Variants in MRAP2 observed in about 807,000 individuals in gnomAD.
The protein encoded by MRAP2 is melanocortin 2 receptor accessory protein 2.
Under a neutral mutation model 17.4 loss-of-function variants are expected in MRAP2, and 20 were observed. That is an observed-to-expected ratio of 1.15 (90% CI 0.81 to 1.67). The LOEUF is 1.67. MRAP2 is among the 40% of genes most tolerant of loss of function. The pLI, the probability that MRAP2 is intolerant of heterozygous loss-of-function variation, is 0.00. For synonymous variants in MRAP2, 96 were observed against 88.4 expected, an observed-to-expected ratio of 1.09 and a Z score of -0.48; for missense variants, 238 against 240.0, an observed-to-expected ratio of 0.99 and a Z score of 0.05.
chr6:84,121,094 A>G, the MRAP2 span, among the ~76,000 whole-genome samples: 1 of 129,996 alleles, frequency 7.7e-6, no homozygotes, highest in Non-Finnish European at 1.6e-5. Context: ...TTTTTTTTTT[A>G]CAGGCAGGGT....
At chr6:84,073,785 C>T (rs1005344135) in intron 3 of MRAP2, among the ~76,000 whole-genome samples, 1 of 152,034 alleles carries the variant, frequency 6.6e-6, no homozygotes, top group Non-Finnish European at 1.5e-5. Flanking sequence ...TATTGTAAAC[C>T]AAGCTTGTCC....
chr6:84,126,338 G>C, the MRAP2 span: 2 of 1,452,060 alleles, frequency 1.4e-6, no homozygotes, highest in Non-Finnish European at 1.8e-6. Context: ...GCACTTAAAA[G>C]TAAAGACCTA....
At chr6:84,040,687 A>G (rs1260386234) in intron 1 of MRAP2, among the ~76,000 whole-genome samples, 1 of 152,170 alleles carries the variant, frequency 6.6e-6, no homozygotes, top group Non-Finnish European at 1.5e-5. Flanking sequence ...AACTGGAGCA[A>G]AGGTGACTCT....
the MRAP2 span, among the ~76,000 whole-genome samples, chr6:84,106,376 G>T: frequency 6.6e-6 from 1 of 152,136 alleles, no homozygotes; most frequent in African/African-American, 2.4e-5. Flanking sequence ...ACAAAATGCT[G>T]CCCCTTCCAT....
At chr6:84,042,292 A>T (rs1051921035) in intron 1 of MRAP2, among the ~76,000 whole-genome samples, 2 of 152,132 alleles carry the variant, frequency 1.3e-5, no homozygotes, top group Non-Finnish European at 2.9e-5. Flanking sequence ...TCTTTTCTTT[A>T]TAAATTACCC....
chr6:84,114,665 A>G, the MRAP2 span, among the ~76,000 whole-genome samples: 1 of 152,132 alleles, frequency 6.6e-6, no homozygotes, highest in East Asian at 1.9e-4. Context: ...TCTGGTTTTT[A>G]GAATTTTCAG....
At chr6:84,086,210 CA>C (rs1194130179) in intron 3 of MRAP2, among the ~76,000 whole-genome samples, 1 of 152,090 alleles carries the variant, frequency 6.6e-6, no homozygotes, top group Non-Finnish European at 1.5e-5. Flanking sequence ...TAAAAGAAGA[CA>C]AAGTTTTTTA....
chr6:84,144,391 T>C, the MRAP2 span, among the ~76,000 whole-genome samples: 4 of 152,098 alleles, frequency 2.6e-5, no homozygotes, highest in Admixed American at 2.6e-4. Context: ...TAATGTTGTA[T>C]TGTCACAAAA....
At chr6:84,118,043 G>A in the MRAP2 span, among the ~76,000 whole-genome samples, 182 of 152,270 alleles carry the variant, frequency 1.2e-3, no homozygotes, top group Middle Eastern at 6.8e-3. Flanking sequence ...TCCCCCAATC[G>A]ATTTGGGCTC....
the MRAP2 span, among the ~76,000 whole-genome samples, chr6:84,122,286 T>A: frequency 6.7e-6 from 1 of 148,490 alleles, no homozygotes; most frequent in Non-Finnish European, 1.5e-5. Context: ...CAGGCCAGTC[T>A]TCCTGATGAA....
chr6:84,035,677 G>A (rs1391118820), intron 1 of MRAP2, among the ~76,000 whole-genome samples: 4 of 152,128 alleles, frequency 2.6e-5, no homozygotes, highest in African/African-American at 4.8e-5. Context: ...CATACCCATC[G>A]CTAGCTGCCC....
At chr6:84,104,259 C>G in the MRAP2 span, among the ~76,000 whole-genome samples, 6 of 152,328 alleles carry the variant, frequency 3.9e-5, no homozygotes, top group Non-Finnish European at 5.9e-5. Flanking sequence ...GCACACAGCA[C>G]AAGAACTCTG....
the MRAP2 span, among the ~76,000 whole-genome samples, chr6:84,139,631 T>G: frequency 6.6e-6 from 1 of 152,146 alleles, no homozygotes; most frequent in African/African-American, 2.4e-5. Context: ...AGGTAAGAAT[T>G]CTTACCAAAC....
chr6:84,081,847 T>C (rs879608600), intron 3 of MRAP2, among the ~76,000 whole-genome samples: 4 of 152,128 alleles, frequency 2.6e-5, no homozygotes, highest in Non-Finnish European at 5.9e-5. Context: ...AATGAATAAA[T>C]AAATAAAAGT....
the MRAP2 span, among the ~76,000 whole-genome samples, chr6:84,120,531 A>G: frequency 1.3e-5 from 2 of 152,218 alleles, no homozygotes; most frequent in Non-Finnish European, 2.9e-5. Context: ...CTGGGTTTTT[A>G]GTTGTAACAA....
At chr6:84,105,764 G>A in the MRAP2 span, among the ~76,000 whole-genome samples, 3 of 152,088 alleles carry the variant, frequency 2.0e-5, no homozygotes, top group African/African-American at 7.2e-5. Flanking sequence ...TCAGAGGCAT[G>A]AGGAGCCCAA....
intron 3 of MRAP2, among the ~76,000 whole-genome samples, chr6:84,067,316 A>G (rs893683959): frequency 2.3e-4 from 35 of 152,244 alleles, no homozygotes; most frequent in African/African-American, 7.9e-4. Flanking sequence ...CAATTTTGCA[A>G]TTGTGAATTG....
the MRAP2 span, among the ~76,000 whole-genome samples, chr6:84,110,019 G>C: frequency 2.6e-5 from 4 of 152,062 alleles, no homozygotes; most frequent in Admixed American, 6.6e-5. Flanking sequence ...CATTTGGGTT[G>C]GTTCCAAGTC....
At chr6:84,111,049 T>C in the MRAP2 span, among the ~76,000 whole-genome samples, 2 of 152,228 alleles carry the variant, frequency 1.3e-5, no homozygotes, top group Admixed American at 1.3e-4. Context: ...CCTTCAGTTT[T>C]GTTCTTTTTG....
Sources: gnomAD v4.1 joint callset for allele counts (sites outside exome capture counted in the v4.1 genomes callset) on GRCh38, gnomAD v4.1.1 for gene constraint, MANE v1.5 for transcripts, NCBI Gene and HGNC (gene_info 2026-07-23, HGNC 2026-07-21) for gene names.